Variants in ARHGAP27 observed in about 807,000 individuals in gnomAD.
The protein encoded by ARHGAP27 is rho GTPase-activating protein 27.
Under a neutral mutation model 102.0 loss-of-function variants are expected in ARHGAP27, and 53 were observed. The ratio of observed to expected loss-of-function variants is 0.52; its 90% CI spans 0.42 to 0.65. The LOEUF (loss-of-function observed/expected upper bound fraction) is 0.65, where lower values mean the gene tolerates loss of function less well. Among genes scored for constraint, ARHGAP27 ranks in the 30% least tolerant of loss-of-function variants. The probability of loss-of-function intolerance (pLI) is 0.00; values close to 1 mark genes in which losing one functional copy is unlikely to be tolerated. For missense variants in ARHGAP27, 1,117 were observed against 1,256.2 expected (o/e 0.89, Z 1.68); for synonymous variants, 525 against 542.8 (o/e 0.97, Z 0.46).
At chr17:45,396,363 C>T in intron 16 of ARHGAP27, 79 bp from the exon 17 acceptor site, 2 of 1,485,890 alleles carry the variant, frequency 1.3e-6, no homozygotes, top group Admixed American at 2.2e-5. Context: ...ATGACTCCCA[C>T]TCGGGGCCTC....
At chr17:45,406,125 T>G (rs1467178491) in intron 4 of ARHGAP27, 42 bp from the exon 5 acceptor site, 1 of 1,476,482 alleles carries the variant, frequency 6.8e-7, no homozygotes, top group African/African-American at 1.4e-5. Flanking sequence ...TTCAGAAACC[T>G]TCCAAAATGG....
In ARHGAP27 at chr17:45,402,757, G is replaced by A. The variant is rs2046597507; in HGVS notation, c.1700C>T (p.Ser567Phe). ...ACTGGATTTGTCTTTGGGGGCCCAG[G>A]AGAGAGTGGCCCCCCTCAGCTCCAC... ...YTVELRGATL[S>F]WAPKDKSSRK... The change falls in exon 12 of 20, where the codon TCC (serine) becomes TTC (phenylalanine). Residue 567 changes from serine to phenylalanine, a missense_variant. Transcript: ENST00000685559. 2 of 1,613,538 alleles carry A rather than the reference G, an allele frequency of 1.2e-6. No homozygotes were observed. Among genetic ancestry groups the A allele is most frequent in the East Asian group, 4.5e-5 (2 of 44,794 alleles).
At chr17:45,415,159 A>G (rs1016830280) in intron 4 of ARHGAP27, among the ~76,000 whole-genome samples, 1 of 151,572 alleles carries the variant, frequency 6.6e-6, no homozygotes, top group Non-Finnish European at 1.5e-5. Context: ...TTTTGAGCCA[A>G]CTTCTCTGTT....
intron 11 of ARHGAP27, among the ~76,000 whole-genome samples, chr17:45,403,417 G>A (rs1043030703): frequency 6.6e-5 from 10 of 152,104 alleles, no homozygotes; most frequent in East Asian, 3.9e-4. Flanking sequence ...AAAATTAGCC[G>A]CACATGGTGG....
chr17:45,422,163 C>T (rs1307531535), intron 4 of ARHGAP27, among the ~76,000 whole-genome samples: 2 of 151,588 alleles, frequency 1.3e-5, no homozygotes, highest in Non-Finnish European at 2.9e-5. Flanking sequence ...GAGACTCCAT[C>T]TCAAAAAACA....
At chr17:45,424,639 T>C (rs2049369066) in intron 4 of ARHGAP27, among the ~76,000 whole-genome samples, 1 of 148,864 alleles carries the variant, frequency 6.7e-6, no homozygotes, top group Non-Finnish European at 1.5e-5. Flanking sequence ...AAGAATGATA[T>C]AATGGATTTT....
At position 45,432,217 on chromosome 17, in the gene ARHGAP27, A is replaced by C. The variant is rs2050103836; in HGVS notation, c.-152T>G. On this transcript the variant is annotated splice_region_variant and 5_prime_UTR_variant, in exon 2 of 20. Coordinates refer to ENST00000685559, the MANE Select transcript of ARHGAP27 (RefSeq NM_001282290.2). Reference sequence around the variant, plus strand: ...CTCCGGGCCCACCTCTTCCCTCACCAGGGCCTTTCCCGGAGCAGCCCGGCC... The same window carrying C: ...CTCCGGGCCCACCTCTTCCCTCACCCGGGCCTTTCCCGGAGCAGCCCGGCC... 1 of 160,476 alleles carries C rather than the reference A, an allele frequency of 6.2e-6. No homozygotes were observed. 9.9% of individuals were successfully genotyped at this position (160,476 alleles called of 1,614,324 possible).
Position 45,395,607 on chromosome 17 carries a change from C to T in ARHGAP27, c.2519G>A (p.Arg840His). ...AATGGCCACGCTCTGCACCGACATGCGGTTCTGCTCGCCGTGCTCGATCAC... is the reference window on the plus strand; with the variant it reads ...AATGGCCACGCTCTGCACCGACATGTGGTTCTGCTCGCCGTGCTCGATCAC... ...CRVIEHGEQN[R>H]MSVQSVAIVF... Residue 840 changes from arginine to histidine, a missense_variant, in exon 20 of 20, where the codon CGC (arginine) becomes CAC (histidine). Transcript: ENST00000685559. The T allele has an allele frequency of 1.2e-6, 2 of 1,606,124 alleles. No individual in the cohort carries two copies. The highest frequency in any genetic ancestry group is 1.7e-6 in the Non-Finnish European group (2 of 1,176,488).
chr17:45,410,188 TG>T (rs2047738140), intron 4 of ARHGAP27: 16 of 1,530,608 alleles, frequency 1.0e-5, no homozygotes, highest in South Asian at 7.2e-5. Flanking sequence ...ACAGGGCTTG[TG>T]GTAGAGGCCC....
At chr17:45,411,077 C>G (rs562361480) in intron 4 of ARHGAP27, among the ~76,000 whole-genome samples, 1 of 152,102 alleles carries the variant, frequency 6.6e-6, no homozygotes, top group Non-Finnish European at 1.5e-5. Context: ...ACAAGTATGC[C>G]CGTGCCTGTC....
chr17:45,404,603 G>C lies in ARHGAP27; in HGVS notation c.1327C>G (p.Gln443Glu). The C allele has an allele frequency of 6.2e-7, 1 of 1,613,996 alleles. No homozygotes were observed. The change falls in exon 7 of 20, where the codon CAG becomes GAG. Residue 443 changes from glutamine to glutamate, a missense_variant and splice_region_variant. Physicochemically the swap from Gln to Glu is conservative, Grantham distance 29 (BLOSUM62 2). Transcript: ENST00000685559. ...EDSSVRWELP[Q>E]VPVPAPRSIH... The stretch of plus-strand genomic sequence containing the variant: ...CCCCCCTTTCCCCAGGTTGTTACCT[G>C]GGGCAGCTCCCATCGAACAGAGGAG...
chr17:45,402,750 G>A lies in ARHGAP27; in HGVS notation c.1707C>T (p.Ala569=), dbSNP rs772209485. Residue 569 remains alanine, a synonymous_variant, in exon 12 of 20, where the codon GCC becomes GCT. Transcript: ENST00000685559. ...TCTTCCTACTGGATTTGTCTTTGGG[G>A]GCCCAGGAGAGAGTGGCCCCCCTCA... ...VELRGATLSW[A]PKDKSSRKNV... 31 of 1,613,256 alleles carry A rather than the reference G, an allele frequency of 1.9e-5. No individual in the cohort carries two copies. The highest frequency in any genetic ancestry group is 2.5e-5 in the Non-Finnish European group (30 of 1,179,542).
chr17:45,405,942 T>G lies in ARHGAP27; in HGVS notation c.799A>C (p.Asn267His). Residue 267 changes from asparagine (N) to histidine (H), a missense_variant, in exon 5 of 20, where the codon AAC (asparagine) becomes CAC (histidine). Asn to His is a moderately conservative substitution (Grantham distance 68). This residue lies in a region of ARHGAP27 where 610 missense variants were observed against 716.4 expected (regional missense o/e 0.85). Transcript: ENST00000685559. The stretch of plus-strand genomic sequence containing the variant: ...CAGGTGGTAACTCCCGTGTCTGGGT[T>G]GTAGTAGTAGGGGCGCCCGGTGCCC... Reference protein sequence around the residue: ...DAGTGRPYYYNPDTGVTTWES... With the variant: ...DAGTGRPYYYHPDTGVTTWES... 1 of 1,535,530 alleles carries G rather than the reference T, an allele frequency of 6.5e-7. No homozygotes were observed. The highest frequency in any genetic ancestry group is 1.4e-5 in the African/African-American group (1 of 72,942).
In ARHGAP27 at chr17:45,430,047, G is replaced by A. The variant is rs1355807506; in HGVS notation, c.233C>T (p.Pro78Leu). The change falls in exon 4 of 20, where the codon CCG (proline) becomes CTG (leucine). Residue 78 changes from proline to leucine, a missense_variant. This residue lies in a region of ARHGAP27 where 610 missense variants were observed against 716.4 expected (regional missense o/e 0.85). Transcript: ENST00000685559. The surrounding 1 kb of genome is among the most constrained non-coding windows in gnomAD (Gnocchi z 4.4). Reference protein sequence around the residue: ...PALGNPAAAAPPGPHPSPAAP... With the variant: ...PALGNPAAAALPGPHPSPAAP... ...CGCGGGGCTCGGGTGGGGACCTGGC[G>A]GCGCGGCGGCGGCAGGGTTGCCCAG... The A allele has an allele frequency of 7.9e-7, 1 of 1,261,162 alleles. No homozygotes were observed. 78.1% of individuals were successfully genotyped at this position (1,261,162 alleles called of 1,614,324 possible).
Position 45,396,106 on chromosome 17 carries a change from C to G in ARHGAP27, c.2263G>C (p.Asp755His). 3.7e-6 allele frequency: 6 copies of G among 1,611,954 alleles called. No individual in the cohort carries two copies. The highest frequency in any genetic ancestry group is 5.1e-6 in the Non-Finnish European group (6 of 1,178,776). Reference sequence around the variant, plus strand: ...TCCTCCCAGCGCCCGTCATCCAGGTCAAGGCGCTCATCTGTGGCGGAGGAA... The same window carrying G: ...TCCTCCCAGCGCCCGTCATCCAGGTGAAGGCGCTCATCTGTGGCGGAGGAA... The part of the protein sequence containing the change: ...RYKVDHDERL[D>H]LDDGRWEDVH... Residue 755 changes from aspartate to histidine, a missense_variant, in exon 18 of 20, where the codon GAC (aspartate) becomes CAC (histidine). This residue lies in a region of ARHGAP27 where 493 missense variants were observed against 505.5 expected (regional missense o/e 0.98). Coordinates refer to ENST00000685559, the MANE Select transcript of ARHGAP27 (RefSeq NM_001282290.2).
chr17:45,406,833 A>G (rs1351899954), intron 4 of ARHGAP27, among the ~76,000 whole-genome samples: 1 of 152,110 alleles, frequency 6.6e-6, no homozygotes, highest in Non-Finnish European at 1.5e-5. Context: ...TGGAATCAGC[A>G]CCCTGTCTGG....
chr17:45,396,953 G>C lies in ARHGAP27; in HGVS notation c.1914C>G (p.Ser638Arg). The change falls in exon 14 of 20, where the codon AGC becomes AGG. Residue 638 changes from serine to arginine, a missense_variant. Ser to Arg is a moderately radical substitution (Grantham distance 110). Coordinates refer to ENST00000685559, the MANE Select transcript of ARHGAP27 (RefSeq NM_001282290.2). Reference protein sequence around the residue: ...VDFGSSERLGSWQEKEEDARP... With the variant: ...VDFGSSERLGRWQEKEEDARP... ...GCGCGTCCTCCTCTTTCTCCTGCCA[G>C]CTTCCCAAGCGCTCGCTCGACCCGA... is the stretch of plus-strand genomic sequence containing the variant. 6.2e-7 allele frequency: 1 copy of C among 1,606,056 alleles called. No individual in the cohort carries two copies. The highest frequency in any genetic ancestry group is 8.5e-7 in the Non-Finnish European group (1 of 1,179,962).
intron 12 of ARHGAP27, among the ~76,000 whole-genome samples, chr17:45,400,979 A>G (rs1350605134): frequency 3.3e-5 from 5 of 152,012 alleles, no homozygotes; most frequent in Admixed American, 2.6e-4. Context: ...TTAACACCAT[A>G]GCAGATATTG....
chr17:45,429,617 A>G lies in ARHGAP27; in HGVS notation c.657+6T>C. The G allele has an allele frequency of 6.3e-7, 1 of 1,577,988 alleles. No homozygotes were observed. On this transcript the variant is annotated splice_donor_region_variant and intron_variant, in intron 4 of 19. Coordinates refer to ENST00000685559, the MANE Select transcript of ARHGAP27 (RefSeq NM_001282290.2). ...CGCCTCCGCGCCCCAGCGCCCGGGG[A>G]GGTACCTGCTCTGCGCTCTCCTCCG...
Sources: allele counts gnomAD v4.1 joint callset (sites outside exome capture counted in the v4.1 genomes callset), GRCh38; gene constraint gnomAD v4.1.1; regional missense constraint gnomAD v4.1.1; non-coding constraint Gnocchi (gnomAD v3.1); transcripts MANE v1.5; gene names NCBI Gene and HGNC (gene_info 2026-07-23, HGNC 2026-07-21).